Variants in RPL10 observed in about 807,000 individuals in gnomAD.
RPL10 encodes ribosomal protein L10, also known as large ribosomal subunit protein uL16.
A neutral mutation model predicts 15.7 loss-of-function variants in RPL10; 1 was observed. That is an observed-to-expected ratio of 0.06 (90% CI 0.02 to 0.30). RPL10 has a LOEUF of 0.30. Among genes scored for constraint, RPL10 ranks in the 10% least tolerant of loss-of-function variants. The pLI, the probability that RPL10 is intolerant of heterozygous loss-of-function variation, is 1.00. For synonymous variants in RPL10, 59 were observed against 64.0 expected (o/e 0.92, Z 0.37); for missense variants, 54 against 183.4 (o/e 0.29, Z 4.08).
intron 2 of RPL10, chrX:154,398,854 A>T: frequency 2.6e-6 from 1 of 389,530 alleles, no homozygotes; most frequent in East Asian, 4.7e-5. Flanking sequence ...TTTCCGGGCG[A>T]CGTGCCGCGT....
upstream of RPL10, chrX:154,398,096 C>G: frequency 3.3e-6 from 1 of 305,815 alleles, no homozygotes; most frequent in Non-Finnish European, 6.0e-6. Flanking sequence ...AACGGCAAAG[C>G]CTAGGGCAAG....
Position 154,402,260 on chromosome X carries a change from T to G in RPL10, c.*1406T>G, listed in dbSNP as rs1466897028. 1.5e-5 allele frequency: 2 copies of G among 132,028 alleles called. No homozygotes were observed. Among genetic ancestry groups the G allele is most frequent in the East Asian group, 4.8e-4 (2 of 4,184 alleles). 10.9% of individuals were successfully genotyped at this position (132,028 alleles called of 1,213,427 possible). On this transcript the variant is annotated 3_prime_UTR_variant, in exon 7 of 7. Transcript: ENST00000369817. ...GTTTGATATAGCAGATTAACCACCC[T>G]CCTTGTAGCTATTGGGGCTTAATGG...
chrX:154,398,224 T>G (rs2067950377), upstream of RPL10: 2 of 474,413 alleles, frequency 4.2e-6, no homozygotes, highest in Non-Finnish European at 3.8e-6. Flanking sequence ...GATCTGCGCA[T>G]GTGCTGGGCT....
Position 154,399,348 on chromosome X carries a change from T to C in RPL10, c.34T>C (p.Cys12Arg). 1 of 1,211,467 alleles carries C rather than the reference T, an allele frequency of 8.3e-7. No homozygotes were observed. The highest frequency in any genetic ancestry group is 1.1e-6 in the Non-Finnish European group (1 of 895,344). The change falls in exon 3 of 7, where the codon TGT (cysteine) becomes CGT (arginine). Residue 12 changes from cysteine to arginine, a missense_variant. Coordinates refer to ENST00000369817, the MANE Select transcript of RPL10 (RefSeq NM_006013.5). ...GRRPARCYRYCKNKPYPKSRF... is the reference protein window; with the variant it reads ...GRRPARCYRYRKNKPYPKSRF... Reference sequence around the variant, plus strand: ...TTCACTCCCCTGCAGTTACCGGTATTGTAAGAACAAGCCGTACCCAAAGTC... The same window carrying C: ...TTCACTCCCCTGCAGTTACCGGTATCGTAAGAACAAGCCGTACCCAAAGTC...
chrX:154,398,780 A>T, intron 2 of RPL10: 1 of 447,455 alleles, frequency 2.2e-6, no homozygotes, highest in Non-Finnish European at 4.0e-6. Flanking sequence ...TGTGTCCTGC[A>T]AGCTCACCGC....
At position 154,399,954 on chromosome X, in the gene RPL10, T is replaced by C. The variant is rs1557185512; in HGVS notation, c.329+13T>C. 2 of 1,211,810 alleles carry C rather than the reference T, an allele frequency of 1.7e-6. No individual in the cohort carries two copies. The highest frequency in any genetic ancestry group is 2.2e-6 in the Non-Finnish European group (2 of 895,242). On this transcript the variant is annotated intron_variant, in intron 5 of 6. Transcript: ENST00000369817. ...CTGGGGCTGACAGGTGAGCTTGGTC[T>C]GGGCCTTTTAAGGCAGTTGGAGTCT...
rs1557185251 is a variant in RPL10 at position 154,399,413 on chromosome X, C to A, written c.82+17C>A. 1 of 1,210,748 alleles carries A rather than the reference C, an allele frequency of 8.3e-7. No individual in the cohort carries two copies. Among genetic ancestry groups the A allele is most frequent in the Admixed American group, 2.2e-5 (1 of 46,060 alleles). ...GTGTCCCTGGTAAGTAGTGGAAGAG[C>A]CCCTGCACTGGTTGGCTCTGCGGAC... On this transcript the variant is annotated intron_variant, in intron 3 of 6. Transcript: ENST00000369817.
Position 154,399,563 on chromosome X carries a change from G to A in RPL10, c.159G>A (p.Val53=). The A allele has an allele frequency of 1.7e-6, 2 of 1,211,726 alleles. No individual in the cohort carries two copies. Among genetic ancestry groups the A allele is most frequent in the Non-Finnish European group, 2.2e-6 (2 of 895,419 alleles). Residue 53 remains valine, a synonymous_variant, in exon 4 of 7, where the codon GTG becomes GTA. Transcript: ENST00000369817. ...AGTTTCCGCTTTGTGGCCACATGGT[G>A]TCAGATGAATATGAGCAGCTGTCCT... The part of the protein sequence containing the change: ...VDEFPLCGHM[V]SDEYEQLSSE...
At chrX:154,398,839 T>C in intron 2 of RPL10, 1 of 405,420 alleles carries the variant, frequency 2.5e-6, no homozygotes. Flanking sequence ...GCGTTCTCTG[T>C]CTTATTTCCG....
intron 2 of RPL10, 65 bp downstream of exon 2, chrX:154,398,607 G>T (rs1433347463): frequency 2.5e-6 from 3 of 1,178,603 alleles, no homozygotes; most frequent in African/African-American, 3.5e-5. Context: ...GCCTATGGCC[G>T]CTGAAAACAA....
rs781931394 is a variant in RPL10 at position 154,399,343 on chromosome X, G to T, written c.29G>T (p.Arg10Leu). MGRRPARCYRYCKNKPYPKS... is the reference protein window; with the variant it reads MGRRPARCYLYCKNKPYPKS... ...GTTTTTTCACTCCCCTGCAGTTACC[G>T]GTATTGTAAGAACAAGCCGTACCCA... The change falls in exon 3 of 7, where the codon CGG becomes CTG. Residue 10 changes from arginine (R) to leucine (L), a missense_variant. Arg to Leu is a moderately radical substitution (Grantham distance 102). Transcript: ENST00000369817. The T allele has an allele frequency of 8.3e-7, 1 of 1,211,234 alleles. No homozygotes were observed. The highest frequency in any genetic ancestry group is 2.2e-5 in the Admixed American group (1 of 45,985).
rs2068027020 is a variant in RPL10 at position 154,401,311 on chromosome X, A to G, written c.*457A>G. The G allele has an allele frequency of 5.1e-6, 1 of 196,951 alleles. No individual in the cohort carries two copies. Among genetic ancestry groups the G allele is most frequent in the Non-Finnish European group, 9.4e-6 (1 of 106,113 alleles). 16.2% of individuals were successfully genotyped at this position (196,951 alleles called of 1,213,427 possible). On this transcript the variant is annotated 3_prime_UTR_variant, in exon 7 of 7. Transcript: ENST00000369817. ...CATCACATTGGGCTTGTTCTCACCC[A>G]TCTGGTTTGGCCATTCCTCCTTGGT...
rs1367828684 is a variant in RPL10 at position 154,399,864 on chromosome X, C to T, written c.252C>T (p.Gly84=). Residue 84 remains glycine (G), a synonymous_variant, in exon 5 of 7, where the codon GGC becomes GGT. Transcript: ENST00000369817. The stretch of plus-strand genomic sequence containing the variant: ...TGGTAAAAAGTTGTGGCAAAGATGG[C>T]TTCCATATCCGGGTGCGGCTCCACC... The part of the protein sequence containing the change: ...KYMVKSCGKD[G]FHIRVRLHPF... 13 of 1,210,534 alleles carry T rather than the reference C, an allele frequency of 1.1e-5. No individual in the cohort carries two copies. Among genetic ancestry groups the T allele is most frequent in the Non-Finnish European group, 1.5e-5 (13 of 895,208 alleles).
chrX:154,399,793 C>T lies in RPL10; in HGVS notation c.191-10C>T, dbSNP rs2148138570. ...TCTCTCACTTTGCTGCTTTTCTTCTCCCTACCTAGCCCTGGAGGCTGCCCG... is the reference window on the plus strand; with the variant it reads ...TCTCTCACTTTGCTGCTTTTCTTCTTCCTACCTAGCCCTGGAGGCTGCCCG... On this transcript the variant is annotated splice_polypyrimidine_tract_variant and intron_variant, in intron 4 of 6. Transcript: ENST00000369817. 1 of 1,210,893 alleles carries T rather than the reference C, an allele frequency of 8.3e-7. No individual in the cohort carries two copies. The highest frequency in any genetic ancestry group is 1.1e-6 in the Non-Finnish European group (1 of 895,336).
At chrX:154,398,606 C>T in intron 2 of RPL10, 64 bp downstream of exon 2, 1 of 1,183,266 alleles carries the variant, frequency 8.5e-7, no homozygotes, top group Non-Finnish European at 1.1e-6. Context: ...TGCCTATGGC[C>T]GCTGAAAACA....
In RPL10 at chrX:154,401,482, T is replaced by C; in HGVS notation, c.*628T>C. The C allele has an allele frequency of 7.9e-6, 1 of 125,978 alleles. No individual in the cohort carries two copies. Among genetic ancestry groups the C allele is most frequent in the Non-Finnish European group, 1.7e-5 (1 of 60,390 alleles). The allele number at this position is 125,978 out of a possible 1,213,427, so 10.4% of individuals were successfully genotyped here. On this transcript the variant is annotated 3_prime_UTR_variant, in exon 7 of 7. Transcript: ENST00000369817. ...CTGACCAAAGGTCTAGGCTAACCTTTGGTCATTTGTAACAAGACCTCGGAA... is the reference window on the plus strand; with the variant it reads ...CTGACCAAAGGTCTAGGCTAACCTTCGGTCATTTGTAACAAGACCTCGGAA...
chrX:154,398,510 T>C lies in RPL10; in HGVS notation c.-10T>C, dbSNP rs2067957117. 2 of 1,211,538 alleles carry C rather than the reference T, an allele frequency of 1.7e-6. No homozygotes were observed. The highest frequency in any genetic ancestry group is 1.1e-6 in the Non-Finnish European group (1 of 895,410). ...TTTTCGTTGCAGCCACTGAAGATCC[T>C]GGTGTCGCCATGGGCCGCCGCCCCG... On this transcript the variant is annotated 5_prime_UTR_variant, in exon 2 of 7. Coordinates refer to ENST00000369817, the MANE Select transcript of RPL10 (RefSeq NM_006013.5).
In RPL10 at chrX:154,401,487, A is replaced by G. The variant is rs2068033121; in HGVS notation, c.*633A>G. On this transcript the variant is annotated 3_prime_UTR_variant, in exon 7 of 7. Coordinates refer to ENST00000369817, the MANE Select transcript of RPL10 (RefSeq NM_006013.5). ...CAAAGGTCTAGGCTAACCTTTGGTC[A>G]TTTGTAACAAGACCTCGGAACAGAC... 8.1e-6 allele frequency: 1 copy of G among 123,793 alleles called. No individual in the cohort carries two copies. The highest frequency in any genetic ancestry group is 1.7e-5 in the Non-Finnish European group (1 of 59,721). 10.2% of individuals were successfully genotyped at this position (123,793 alleles called of 1,213,427 possible).
chrX:154,398,910 G>C (rs1369781729), intron 2 of RPL10: 10 of 358,195 alleles, frequency 2.8e-5, no homozygotes, highest in Non-Finnish European at 4.1e-5. Flanking sequence ...GGGTGCGGCC[G>C]CCTCCTGTGT....
Sources: allele counts gnomAD v4.1 joint callset, GRCh38; gene constraint gnomAD v4.1.1; transcripts MANE v1.5; gene names NCBI Gene and HGNC (gene_info 2026-07-23, HGNC 2026-07-21).